VPS13D: variants seen among roughly 807,000 people sequenced by gnomAD.
VPS13D encodes vacuolar protein sorting 13 homolog D, also known as intermembrane lipid transfer protein VPS13D.
In VPS13D, 187 loss-of-function variants were observed where a neutral mutation model predicts 461.9. That is an observed-to-expected ratio of 0.40 (90% CI 0.36 to 0.46). The LOEUF (loss-of-function observed/expected upper bound fraction) is 0.46. Ranked by LOEUF, VPS13D falls within the 20% of genes least tolerant of loss-of-function variation. The pLI is 0.60. For missense variants in VPS13D, 4,711 were observed against 5,364.9 expected, an observed-to-expected ratio of 0.88 and a Z score of 3.81; for synonymous variants, 1,951 against 1,986.3, an observed-to-expected ratio of 0.98 and a Z score of 0.47.
rs376623769 is a variant in VPS13D, at chr1:12,497,526, C to T, written c.12689C>T (p.Pro4230Leu). 3.7e-6 allele frequency: 6 copies of T among 1,614,042 alleles called. No homozygotes were observed. The highest frequency in any genetic ancestry group is 3.4e-6 in the Non-Finnish European group (4 of 1,179,966). The change falls in exon 68 of 70, where the codon CCG becomes CTG. Residue 4230 changes from proline to leucine, a missense_variant. Transcript: ENST00000620676. The stretch of plus-strand genomic sequence containing the variant: ...ACTCAAGCACAGAGGGTTCGGAAAC[C>T]GCGTTGCTGCACGGGGCCCCAGGGG... ...PRTQAQRVRK[P>L]RCCTGPQGLL... is the part of the protein sequence containing the mutation.
intron 1 of VPS13D, among the ~76,000 whole-genome samples, 171 bp downstream of exon 1, chr1:12,230,291 C>T (rs1470803244): frequency 6.6e-6 from 1 of 152,124 alleles, no homozygotes; most frequent in East Asian, 1.9e-4. Context: ...CGGTCTGAGC[C>T]CCTCGGGGTA....
intron 60 of VPS13D, among the ~76,000 whole-genome samples, chr1:12,391,593 C>T (rs766263423): frequency 2.6e-5 from 4 of 152,170 alleles, no homozygotes; most frequent in Non-Finnish European, 5.9e-5. Flanking sequence ...CAGGTGTGCA[C>T]CACCACATGC....
intron 13 of VPS13D, among the ~76,000 whole-genome samples, chr1:12,263,551 TATAA>T (rs1641179740): frequency 6.6e-6 from 1 of 152,208 alleles, no homozygotes. Flanking sequence ...ATTAAAGGTG[TATAA>T]ATAAATATGC....
chr1:12,506,265 G>T (rs989749427), intron 68 of VPS13D, among the ~76,000 whole-genome samples: 1 of 152,228 alleles, frequency 6.6e-6, no homozygotes, highest in Non-Finnish European at 1.5e-5. Flanking sequence ...TGGCCCTAAA[G>T]CTCCTGAAGT....
intron 22 of VPS13D, among the ~76,000 whole-genome samples, chr1:12,288,812 TGCA>T (rs1290200279): frequency 6.6e-6 from 1 of 152,132 alleles, no homozygotes; most frequent in Non-Finnish European, 1.5e-5. Flanking sequence ...CATGGTGTTA[TGCA>T]GGAGGACATT....
chr1:12,478,250 A>AC (rs1645660642), intron 67 of VPS13D, among the ~76,000 whole-genome samples: 1 of 152,272 alleles, frequency 6.6e-6, no homozygotes. Flanking sequence ...ACAGTACCGA[A>AC]CAAAGGGAGG....
chr1:12,276,331 G>C lies in VPS13D; in HGVS notation c.2743G>C (p.Glu915Gln). 1.2e-6 allele frequency: 2 copies of C among 1,614,144 alleles called. No homozygotes were observed. Among genetic ancestry groups the C allele is most frequent in the Non-Finnish European group, 1.7e-6 (2 of 1,180,010 alleles). ...GAAAACTTCTGACACTCAGATTAAAGAAAAGATTTTTCCCCAGGAGGAGCA... is the reference window on the plus strand; with the variant it reads ...GAAAACTTCTGACACTCAGATTAAACAAAAGATTTTTCCCCAGGAGGAGCA... ...EMKTSDTQIK[E>Q]KIFPQEEQRG... is the part of the protein sequence containing the mutation. Residue 915 changes from glutamate (E) to glutamine (Q), a missense_variant, in exon 19 of 70, where the codon GAA (glutamate) becomes CAA (glutamine). Coordinates refer to ENST00000620676, the MANE Select transcript of VPS13D (RefSeq NM_015378.4). This position sits in a 1 kb window ranked among gnomAD's most constrained non-coding sequence, Gnocchi z 4.5.
intron 49 of VPS13D, among the ~76,000 whole-genome samples, chr1:12,357,600 A>G (rs1643897370): frequency 1.3e-5 from 2 of 152,358 alleles, no homozygotes; most frequent in South Asian, 2.1e-4. Flanking sequence ...AGAGATTGCT[A>G]CCTGCCCAAG....
intron 17 of VPS13D, among the ~76,000 whole-genome samples, 180 bp from the exon 18 acceptor site, chr1:12,272,823 T>A (rs1641492119): frequency 1.3e-5 from 2 of 152,160 alleles, no homozygotes; most frequent in Non-Finnish European, 1.5e-5. Context: ...TACTTGTCTG[T>A]GGTAATTTCT....
At chr1:12,280,286 T>C (rs948873475) in intron 20 of VPS13D, among the ~76,000 whole-genome samples, 2 of 152,148 alleles carry the variant, frequency 1.3e-5, no homozygotes, top group Non-Finnish European at 2.9e-5. Context: ...GTCTGGCAGC[T>C]GTTCTGGAGT....
At chr1:12,307,312 G>C (rs1642594940) in intron 26 of VPS13D, among the ~76,000 whole-genome samples, 1 of 152,090 alleles carries the variant, frequency 6.6e-6, no homozygotes, top group Admixed American at 6.5e-5. Flanking sequence ...GATGAGAGGG[G>C]CGGGCCATGC....
intron 65 of VPS13D, among the ~76,000 whole-genome samples, chr1:12,425,556 C>G (rs572071188): frequency 9.4e-5 from 14 of 148,508 alleles, no homozygotes; most frequent in African/African-American, 3.3e-4. Context: ...AATGTTGTTT[C>G]TGTCTTAAAA....
At chr1:12,482,691 AATG>A (rs924992315) in intron 67 of VPS13D, among the ~76,000 whole-genome samples, 15 of 149,886 alleles carry the variant, frequency 1.0e-4, no homozygotes, top group Admixed American at 2.0e-4. Flanking sequence ...AGAGATTAAT[AATG>A]GTAACCCCAC....
chr1:12,299,491 A>G lies in VPS13D; in HGVS notation c.6216+107A>G. 7.5e-7 allele frequency: 1 copy of G among 1,330,354 alleles called. No homozygotes were observed. Among genetic ancestry groups the G allele is most frequent in the Middle Eastern group, 2.8e-4 (1 of 3,624 alleles). 82.4% of individuals were successfully genotyped at this position (1,330,354 alleles called of 1,614,324 possible). ...GATCCATAATTGCTATTACTTTTGT[A>G]GGGTATGTGGCTTGAAGAATTTTTT... On this transcript the variant is annotated intron_variant, in intron 25 of 69. Transcript: ENST00000620676. The surrounding 1 kb of genome is among the most constrained non-coding windows in gnomAD (Gnocchi z 4.2).
At chr1:12,419,475 C>T (rs1644835264) in intron 65 of VPS13D, among the ~76,000 whole-genome samples, 1 of 152,120 alleles carries the variant, frequency 6.6e-6, no homozygotes, top group Non-Finnish European at 1.5e-5. Context: ...GCAGGCTGTA[C>T]AGGAGGCATG....
rs956474286 is a variant in VPS13D at position 12,308,622 on chromosome 1, G to C, written c.6631G>C (p.Val2211Leu). The part of the protein sequence containing the change: ...LTEPCRLKLQ[V>L]ERNLDKEISH... ...CGAGCCTTGTAGGCTGAAATTGCAG[G>C]TGGAAAGGAATTTGGACAAGTGAGT... The change falls in exon 27 of 70, where the codon GTG (valine) becomes CTG (leucine). Residue 2211 changes from valine (V) to leucine (L), a missense_variant. Transcript: ENST00000620676. 1.6e-5 allele frequency: 26 copies of C among 1,613,458 alleles called. No homozygotes were observed. The highest frequency in any genetic ancestry group is 1.9e-5 in the Non-Finnish European group (22 of 1,179,896).
At chr1:12,413,978 AATG>A (rs1644764004) in intron 63 of VPS13D, among the ~76,000 whole-genome samples, 1 of 152,114 alleles carries the variant, frequency 6.6e-6, no homozygotes, top group Admixed American at 6.5e-5. Flanking sequence ...AAAATGCATA[AATG>A]TGCCCCAAAA....
At chr1:12,429,077 G>A (rs1171594041) in intron 65 of VPS13D, among the ~76,000 whole-genome samples, 2 of 151,682 alleles carry the variant, frequency 1.3e-5, no homozygotes, top group East Asian at 1.9e-4. Flanking sequence ...AGTAGACCCT[G>A]TGGAGGGGGG....
chr1:12,323,533 A>G (rs1219131366), intron 34 of VPS13D, among the ~76,000 whole-genome samples, 173 bp from the exon 35 acceptor site: 1 of 152,142 alleles, frequency 6.6e-6, no homozygotes, highest in Non-Finnish European at 1.5e-5. Flanking sequence ...AAGAGACTCA[A>G]AGATTTCAGG....
Sources: gnomAD v4.1 joint callset for allele counts (sites outside exome capture counted in the v4.1 genomes callset) on GRCh38, gnomAD v4.1.1 for gene constraint, Gnocchi (gnomAD v3.1) non-coding constraint, MANE v1.5 for transcripts, NCBI Gene and HGNC (gene_info 2026-07-23, HGNC 2026-07-21) for gene names.